KRT79: variants seen among roughly 807,000 people sequenced by gnomAD.
The protein encoded by KRT79 is keratin 79.
A neutral mutation model predicts 49.0 loss-of-function variants in KRT79; 51 were observed. That is an observed-to-expected ratio of 1.04 (90% CI 0.83 to 1.31). The LOEUF (loss-of-function observed/expected upper bound fraction) is 1.31. Ranked by LOEUF, KRT79 falls within the 40% of genes most tolerant of loss-of-function variation. The pLI is 0.00. For missense variants in KRT79, 728 were observed against 688.0 expected (o/e 1.06, Z -0.65); for synonymous variants, 312 against 286.6 (o/e 1.09, Z -0.90).
At position 52,831,568 on chromosome 12, in the gene KRT79, TC is replaced by T. The variant is rs1358024704; in HGVS notation, c.535del (p.Glu179SerfsTer94). ...GGTGACACCCAAGTTCTGGCCCTGC[TC>T]CTGCAGCAGTGCCCACTTGGTCTCC... ...VLETKWALLQ[E>X]QGQNLGVTRN... On this transcript the variant is annotated frameshift_variant, in exon 2 of 9. Transcript: ENST00000330553. LOFTEE classifies it high-confidence loss of function. 6.2e-7 allele frequency: 1 copy of T among 1,614,250 alleles called. No individual in the cohort carries two copies. The highest frequency in any genetic ancestry group is 8.5e-7 in the Non-Finnish European group (1 of 1,180,042).
At chr12:52,831,132 A>G (rs1484501498) in intron 2 of KRT79, among the ~76,000 whole-genome samples, 1 of 152,150 alleles carries the variant, frequency 6.6e-6, no homozygotes, top group Non-Finnish European at 1.5e-5. Flanking sequence ...ATGCAACAAG[A>G]TTGGTTATGA....
At position 52,830,249 on chromosome 12, in the gene KRT79, A is replaced by G; in HGVS notation, c.742T>C (p.Phe248Leu). Residue 248 changes from phenylalanine to leucine, a missense_variant, in exon 3 of 9, where the codon TTT (phenylalanine) becomes CTT (leucine). Physicochemically the swap from Phe to Leu is conservative, Grantham distance 22. Coordinates refer to ENST00000330553, the MANE Select transcript of KRT79 (RefSeq NM_175834.3). Reference protein sequence around the residue: ...INKHTAAENEFVVLKKDVDAA... With the variant: ...INKHTAAENELVVLKKDVDAA... ...CGGCTCACCTTCTTGAGCACCACAA[A>G]CTCGTTCTCTGCAGCAGTGTGCTTG... The G allele has an allele frequency of 6.2e-7, 1 of 1,613,692 alleles. No individual in the cohort carries two copies. Among genetic ancestry groups the G allele is most frequent in the Non-Finnish European group, 8.5e-7 (1 of 1,179,928 alleles).
At chr12:52,832,159 T>A (rs946428178) in intron 1 of KRT79, among the ~76,000 whole-genome samples, 1 of 151,874 alleles carries the variant, frequency 6.6e-6, no homozygotes, top group Non-Finnish European at 1.5e-5. Context: ...TCCCAGCTAC[T>A]CAGGAGGCTG....
chr12:52,828,319 C>T (rs1940203956), intron 4 of KRT79, among the ~76,000 whole-genome samples: 1 of 152,174 alleles, frequency 6.6e-6, no homozygotes. Context: ...GGCTCTTTAA[C>T]CACAAATTAT....
chr12:52,823,748 T>G, intron 6 of KRT79, 139 bp downstream of exon 6: 4 of 984,330 alleles, frequency 4.1e-6, no homozygotes, highest in South Asian at 1.8e-5. Flanking sequence ...TTTCCCCCCA[T>G]GTAAAAGGAG....
At chr12:52,829,128 A>T (rs1297121929) in intron 4 of KRT79, among the ~76,000 whole-genome samples, 1 of 152,174 alleles carries the variant, frequency 6.6e-6, no homozygotes, top group African/African-American at 2.4e-5. Context: ...CTTGCACTGG[A>T]TGGAAGGTTG....
intron 2 of KRT79, 21 bp from the exon 3 acceptor site, chr12:52,830,313 A>C (rs1940234478): frequency 8.7e-6 from 14 of 1,612,480 alleles, no homozygotes; most frequent in Admixed American, 1.7e-5. Context: ...TGGGAGACTC[A>C]GGCCAGGCTC....
rs1280000554 is a variant in KRT79 at position 52,824,464 on chromosome 12, T to C, written c.856-102A>G. Reference sequence around the variant, plus strand: ...CCCCCAGGTAGCATCAGGAGGCCTGTGCTCTTGTCCAGGCTCCAGCCTAGA... The same window carrying C: ...CCCCCAGGTAGCATCAGGAGGCCTGCGCTCTTGTCCAGGCTCCAGCCTAGA... On this transcript the variant is annotated intron_variant, in intron 4 of 8. Transcript: ENST00000330553. 9.1e-6 allele frequency: 11 copies of C among 1,208,540 alleles called. No homozygotes were observed. In the Admixed American group the frequency reaches 2.5e-4, roughly 27 times the overall value. The allele number at this position is 1,208,540 out of a possible 1,614,324, so 74.9% of individuals were successfully genotyped here.
Position 52,821,743 on chromosome 12 carries a change from G to T in KRT79, c.*129C>A. 1 of 766,846 alleles carries T rather than the reference G, an allele frequency of 1.3e-6. No individual in the cohort carries two copies. Among genetic ancestry groups the T allele is most frequent in the South Asian group, 1.7e-5 (1 of 59,380 alleles). 47.5% of individuals were successfully genotyped at this position (766,846 alleles called of 1,614,324 possible). ...GCGCTTCCCAAGATGCAAATAGTCT[G>T]GTATGAAAATACCCTGGGTCTGAGG... On this transcript the variant is annotated 3_prime_UTR_variant, in exon 9 of 9. Transcript: ENST00000330553.
intron 6 of KRT79, 78 bp downstream of exon 6, chr12:52,823,809 G>A (rs1163915958): frequency 6.7e-7 from 1 of 1,502,578 alleles, no homozygotes; most frequent in Non-Finnish European, 9.0e-7. Flanking sequence ...AGAAGAGCAG[G>A]CCTAGCCCCT....
intron 6 of KRT79, among the ~76,000 whole-genome samples, chr12:52,823,516 C>A (rs1565689595): frequency 1.3e-5 from 2 of 152,192 alleles, no homozygotes; most frequent in African/African-American, 4.8e-5. Context: ...TATTAGTAAC[C>A]AGGTGCTTCA....
In KRT79 at chr12:52,821,755, C is replaced by T; in HGVS notation, c.*117G>A. On this transcript the variant is annotated 3_prime_UTR_variant, in exon 9 of 9. Coordinates refer to ENST00000330553, the MANE Select transcript of KRT79 (RefSeq NM_175834.3). ...ATGCAAATAGTCTGGTATGAAAATA[C>T]CCTGGGTCTGAGGTCCCCTGGCTGT... The T allele has an allele frequency of 2.3e-6, 2 of 868,424 alleles. No individual in the cohort carries two copies. The highest frequency in any genetic ancestry group is 3.6e-6 in the Non-Finnish European group (2 of 551,156). The allele number at this position is 868,424 out of a possible 1,614,324, so 53.8% of individuals were successfully genotyped here.
chr12:52,833,584 G>A (rs866509017), intron 1 of KRT79, among the ~76,000 whole-genome samples, 200 bp downstream of exon 1: 5 of 152,096 alleles, frequency 3.3e-5, no homozygotes, highest in South Asian at 2.1e-4. Flanking sequence ...GACTCCCCCC[G>A]CACAGGCACG....
chr12:52,827,215 A>T (rs576974762), intron 4 of KRT79, among the ~76,000 whole-genome samples: 2 of 117,812 alleles, frequency 1.7e-5, no homozygotes, highest in Admixed American at 1.9e-4. Flanking sequence ...CAGCCCTCCC[A>T]GGAAGGGTCA....
In KRT79 at chr12:52,833,810, T is replaced by G. The variant is rs1264106778; in HGVS notation, c.451A>C (p.Asn151His). 1 of 1,613,816 alleles carries G rather than the reference T, an allele frequency of 6.2e-7. No homozygotes were observed. Among genetic ancestry groups the G allele is most frequent in the African/African-American group, 1.3e-5 (1 of 74,844 alleles). ...TTGTCGATGAAGGAGGCGAACTTGT[T>G]GTTGAGGGTCTTGATCTGCTCCCGC... The part of the protein sequence containing the change: ...QEREQIKTLN[N>H]KFASFIDKVR... Residue 151 changes from asparagine to histidine, a missense_variant, in exon 1 of 9, where the codon AAC becomes CAC. Coordinates refer to ENST00000330553, the MANE Select transcript of KRT79 (RefSeq NM_175834.3).
intron 6 of KRT79, 97 bp downstream of exon 6, chr12:52,823,790 T>C (rs1940135301): frequency 1.5e-6 from 2 of 1,366,266 alleles, no homozygotes; most frequent in South Asian, 2.8e-5. Context: ...TTCTATTGTG[T>C]CCGTCAGGAG....
intron 8 of KRT79, 72 bp from the exon 9 acceptor site, chr12:52,822,149 T>C (rs1402861627): frequency 2.7e-6 from 4 of 1,497,086 alleles, no homozygotes; most frequent in South Asian, 2.3e-5. Context: ...CAGAAATCAG[T>C]GGGGAATCAG....
At chr12:52,827,112 C>G (rs956448380) in intron 4 of KRT79, among the ~76,000 whole-genome samples, 4 of 152,166 alleles carry the variant, frequency 2.6e-5, no homozygotes, top group Non-Finnish European at 5.9e-5. Context: ...ACAGGCTGGG[C>G]CCCAGGCTGC....
chr12:52,834,189 C>A lies in KRT79; in HGVS notation c.72G>T (p.Gly24=). Residue 24 remains glycine, a synonymous_variant, in exon 1 of 9, where the codon GGG becomes GGT. Transcript: ENST00000330553. ...AGCTGGTGCGGGCCTGGGACCCACT[C>A]CCTCCGCTGGCAGAGTTGGAGCTGA... ...GGFSSNSASG[G]SGSQARTSFS... is the part of the protein sequence containing the mutation. 1 of 1,613,852 alleles carries A rather than the reference C, an allele frequency of 6.2e-7. No individual in the cohort carries two copies. The highest frequency in any genetic ancestry group is 1.1e-5 in the South Asian group (1 of 91,068).
Sources: allele counts gnomAD v4.1 joint callset (sites outside exome capture counted in the v4.1 genomes callset), GRCh38; gene constraint gnomAD v4.1.1; transcripts MANE v1.5; gene names NCBI Gene and HGNC (gene_info 2026-07-23, HGNC 2026-07-21).